The following NHS variants were observed in gnomAD, a reference collection of about 807,000 sequenced individuals.
NHS encodes NHS actin remodeling regulator, also known as actin remodeling regulator NHS.
NHS carries 5 observed loss-of-function variants against 72.5 expected under a neutral mutation model. The ratio of observed to expected loss-of-function variants is 0.07; its 90% CI spans 0.04 to 0.14. NHS has a LOEUF of 0.14. NHS is among the 10% of genes least tolerant of loss of function. NHS has a pLI of 1.00. For missense variants in NHS, 1,072 were observed against 1,355.7 expected (o/e 0.79, Z 3.29); for synonymous variants, 464 against 547.7 (o/e 0.85, Z 2.13).
intron 1 of NHS, among the ~76,000 whole-genome samples, chrX:17,473,227 G>T (rs972756442): frequency 8.9e-6 from 1 of 112,079 alleles, no homozygotes. Context: ...TGAGTGTAGT[G>T]TTCTTGAACA....
intron 1 of NHS, among the ~76,000 whole-genome samples, chrX:17,534,829 G>T (rs2065215683): frequency 8.9e-6 from 1 of 112,381 alleles, no homozygotes; most frequent in South Asian, 3.7e-4. Flanking sequence ...TGGTGTCCCA[G>T]TGCACACCTG....
intron 1 of NHS, among the ~76,000 whole-genome samples, chrX:17,508,601 G>A (rs981381061): frequency 9.0e-6 from 1 of 111,282 alleles, no homozygotes; most frequent in Non-Finnish European, 1.9e-5. Context: ...CTCCCGAGTA[G>A]CTGGGATTAC....
At chrX:17,678,002 G>A (rs1281106789) in intron 1 of NHS, among the ~76,000 whole-genome samples, 1 of 110,912 alleles carries the variant, frequency 9.0e-6, no homozygotes, top group African/African-American at 3.3e-5. Flanking sequence ...TGTTGTTGTT[G>A]TTTGTAGAGA....
chrX:17,476,940 C>T (rs2064921895), intron 1 of NHS, among the ~76,000 whole-genome samples: 1 of 112,271 alleles, frequency 8.9e-6, no homozygotes, highest in South Asian at 3.7e-4. Context: ...TGCAGGGGCA[C>T]TGACAGTGTC....
intron 1 of NHS, among the ~76,000 whole-genome samples, chrX:17,551,626 C>CG (rs986187024): frequency 9.9e-5 from 11 of 111,643 alleles, no homozygotes; most frequent in African/African-American, 2.0e-4. Flanking sequence ...TGGTGGGGTG[C>CG]GGGGGGGCCC....
At chrX:17,438,011 T>G (rs773018029) in intron 1 of NHS, among the ~76,000 whole-genome samples, 8 of 112,429 alleles carry the variant, frequency 7.1e-5, no homozygotes, top group Non-Finnish European at 1.9e-5. Flanking sequence ...ACGATTTTTA[T>G]TTTTCAATTA....
intron 1 of NHS, among the ~76,000 whole-genome samples, chrX:17,606,112 C>A (rs1037788720): frequency 1.8e-5 from 2 of 111,931 alleles, no homozygotes; most frequent in African/African-American, 6.5e-5. Context: ...GGGTATGGGG[C>A]TTCTAAGCCA....
At chrX:17,516,777 A>C (rs991953651) in intron 1 of NHS, among the ~76,000 whole-genome samples, 2 of 109,960 alleles carry the variant, frequency 1.8e-5, no homozygotes, top group Non-Finnish European at 3.8e-5. Context: ...CAAATGGCAC[A>C]CACACACACA....
intron 1 of NHS, among the ~76,000 whole-genome samples, chrX:17,530,077 T>C (rs1320909731): frequency 1.8e-5 from 2 of 110,937 alleles, no homozygotes; most frequent in Non-Finnish European, 3.8e-5. Flanking sequence ...ACAAAGATGC[T>C]TTCCCTGCAC....
intron 1 of NHS, among the ~76,000 whole-genome samples, chrX:17,429,005 T>TTGGTGA (rs759149522): frequency 8.9e-6 from 1 of 111,977 alleles, no homozygotes; most frequent in East Asian, 2.8e-4. Context: ...ACACCAGGCA[T>TTGGTGA]TGGTGATGTT....
intron 1 of NHS, among the ~76,000 whole-genome samples, chrX:17,386,021 G>C (rs1162425708): frequency 9.0e-6 from 1 of 111,543 alleles, no homozygotes; most frequent in Non-Finnish European, 1.9e-5. Flanking sequence ...AGACTCCAGG[G>C]AGTGGGAAGT....
intron 1 of NHS, among the ~76,000 whole-genome samples, chrX:17,400,788 C>T (rs1277866537): frequency 1.8e-5 from 2 of 111,724 alleles, no homozygotes; most frequent in African/African-American, 6.5e-5. Context: ...GAAGATTCAA[C>T]GTTTGCGAGA....
At chrX:17,661,849 C>T (rs185867866) in intron 1 of NHS, among the ~76,000 whole-genome samples, 2 of 111,915 alleles carry the variant, frequency 1.8e-5, no homozygotes, top group Non-Finnish European at 3.8e-5. Context: ...ACATTCCTTC[C>T]AAGGGCAGCA....
At chrX:17,511,229 A>G (rs751677464) in intron 1 of NHS, among the ~76,000 whole-genome samples, 11 of 111,445 alleles carry the variant, frequency 9.9e-5, no homozygotes, top group South Asian at 3.8e-4. Context: ...GCCATTGAAG[A>G]TTAAGGGAAG....
intron 1 of NHS, among the ~76,000 whole-genome samples, chrX:17,542,517 C>T (rs983852446): frequency 8.8e-5 from 10 of 113,043 alleles, no homozygotes; most frequent in Middle Eastern, 9.2e-3. Flanking sequence ...ACAACTAATG[C>T]CAAAGACATT....
At chrX:17,667,318 A>C (rs1380690771) in intron 1 of NHS, among the ~76,000 whole-genome samples, 3 of 112,064 alleles carry the variant, frequency 2.7e-5, no homozygotes, top group African/African-American at 9.8e-5. Context: ...AAATGGAGAG[A>C]GGCAGGATAT....
chrX:17,440,258 TAAA>T (rs1036618487), intron 1 of NHS, among the ~76,000 whole-genome samples: 13 of 37,289 alleles, frequency 3.5e-4, no homozygotes, highest in African/African-American at 1.4e-3. Context: ...GACTCAGTCT[TAAA>T]AAAAAAAAAA....
intron 1 of NHS, among the ~76,000 whole-genome samples, chrX:17,449,451 T>C (rs926514518): frequency 1.8e-5 from 2 of 112,549 alleles, no homozygotes; most frequent in Non-Finnish European, 3.7e-5. Flanking sequence ...TCCTCTGAGA[T>C]ACAGGTCAGA....
intron 1 of NHS, among the ~76,000 whole-genome samples, chrX:17,614,614 ATG>A (rs2065728239): frequency 8.9e-6 from 1 of 111,936 alleles, no homozygotes; most frequent in Non-Finnish European, 1.9e-5. Flanking sequence ...CATGCTTGAT[ATG>A]TGTTTGTTTC....
Sources: allele counts gnomAD v4.1 joint callset (sites outside exome capture counted in the v4.1 genomes callset), GRCh38; gene constraint gnomAD v4.1.1; transcripts MANE v1.5; gene names NCBI Gene and HGNC (gene_info 2026-07-23, HGNC 2026-07-21).